RNASE10: variants seen among roughly 807,000 people sequenced by gnomAD.
RNASE10 encodes inactive ribonuclease-like protein 10.
A neutral mutation model predicts 1.1 loss-of-function variants in RNASE10; 2 were observed. The observed-to-expected ratio is 1.82, with a 90% CI of 0.74 to 5.73. The LOEUF (loss-of-function observed/expected upper bound fraction) is 5.73. Among genes scored for constraint, RNASE10 ranks in the 30% most tolerant of loss-of-function variants. The pLI is 0.05. For missense variants in RNASE10, 276 were observed against 263.4 expected (o/e 1.05, Z -0.33); for synonymous variants, 97 against 96.2 (o/e 1.01, Z -0.05).
chr14:20,510,180 T>A (rs974514875), intron 1 of RNASE10, among the ~76,000 whole-genome samples: 5 of 151,570 alleles, frequency 3.3e-5, no homozygotes, highest in Non-Finnish European at 5.9e-5. Flanking sequence ...ATTTCCCATA[T>A]GTAAATTACC....
downstream of RNASE10, among the ~76,000 whole-genome samples, chr14:20,512,169 T>A (rs1882914351): frequency 6.6e-6 from 1 of 152,196 alleles, no homozygotes; most frequent in Non-Finnish European, 1.5e-5. Flanking sequence ...TGGGAGACAG[T>A]CTTTTTCTCA....
At position 20,511,027 on chromosome 14, in the gene RNASE10, G is replaced by A. The variant is rs527723249; in HGVS notation, c.640G>A (p.Val214Ile). The A allele has an allele frequency of 2.9e-4, 463 of 1,570,858 alleles. 9 individuals carry two copies. In the South Asian group the frequency reaches 5.2e-3, roughly 18 times the overall value. ...GTGCGAGCTGTCCCAACCAGACCAG[G>A]TCACTCCTAACTGCAATTACCTAAC... The change falls in exon 2 of 2, where the codon GTC becomes ATC. Residue 214 changes from valine to isoleucine, a missense_variant. Coordinates refer to ENST00000430083, the Ensembl canonical transcript of RNASE10.
In RNASE10 at chr14:20,511,099, C is replaced by T. The variant is rs146168332; in HGVS notation, c.712C>T (p.Arg238Cys). The change falls in exon 2 of 2, where the codon CGC becomes TGC. Residue 238 changes from arginine to cysteine, a missense_variant. Physicochemically the swap from Arg to Cys is radical, Grantham distance 180. Transcript: ENST00000430083. ...TATTATAACCTGTAATGACATGAAG[C>T]GCCAGTTACCAACTGGACAATGAAG... 5.7e-5 allele frequency: 85 copies of T among 1,494,748 alleles called. No individual in the cohort carries two copies. The highest frequency in any genetic ancestry group is 1.8e-4 in the Middle Eastern group (1 of 5,564). The allele number at this position is 1,494,748 out of a possible 1,614,324, so 92.6% of individuals were successfully genotyped here. A position where few individuals can be genotyped will look rare whatever the true frequency, so the allele number is the denominator to read the frequency against.
intron 1 of RNASE10, among the ~76,000 whole-genome samples, chr14:20,507,630 A>G (rs1882784481): frequency 7.1e-6 from 1 of 140,968 alleles, no homozygotes; most frequent in African/African-American, 2.7e-5. Context: ...AAATAAATAA[A>G]TAAATAAAAT....
At chr14:20,511,573 A>G (rs1486834142), downstream of RNASE10, among the ~76,000 whole-genome samples, 2 of 152,188 alleles carry the variant, frequency 1.3e-5, no homozygotes, top group South Asian at 2.1e-4. Flanking sequence ...AAGTGATTCT[A>G]TCTGTAATGG....
intron 1 of RNASE10, among the ~76,000 whole-genome samples, chr14:20,508,180 C>T (rs1235271881): frequency 6.6e-6 from 1 of 152,076 alleles, no homozygotes; most frequent in African/African-American, 2.4e-5. Context: ...CTTAATATTT[C>T]AGTGTGCATC....
upstream of RNASE10, among the ~76,000 whole-genome samples, chr14:20,504,687 C>CAA (rs71112507): frequency 3.7e-3 from 166 of 44,274 alleles, 1 homozygote; most frequent in Middle Eastern, 0.011. Flanking sequence ...GACTCCGTCT[C>CAA]AAAAAAAAAA....
rs147896742 is a variant in RNASE10, at chr14:20,510,616, T to C, written c.229T>C (p.Ser77Pro). ...GCTCAATGAATTTTGGTCCAGTGAC[T>C]CACAGGACAAAGCTGAGGCCACTGA... The change falls in exon 2 of 2, where the codon TCA (serine) becomes CCA (proline). Residue 77 changes from serine (S) to proline (P), a missense_variant. Coordinates refer to ENST00000430083, the Ensembl canonical transcript of RNASE10. 6.8e-6 allele frequency: 11 copies of C among 1,614,024 alleles called. No homozygotes were observed. The African/African-American group carries it at 1.2e-4, about 18-fold the overall frequency.
chr14:20,506,775 C>G (rs1278508728), intron 1 of RNASE10, among the ~76,000 whole-genome samples: 325 of 129,036 alleles, frequency 2.5e-3, no homozygotes, highest in African/African-American at 9.3e-3. Flanking sequence ...GGGGGGTCAG[C>G]CCCCCGCCCG....
chr14:20,505,269 TC>T (rs1300662935), upstream of RNASE10, among the ~76,000 whole-genome samples: 1 of 10,976 alleles, frequency 9.1e-5, no homozygotes, highest in Non-Finnish European at 1.6e-4. Flanking sequence ...TTGCTCCCTC[TC>T]CCTCTCCCTC....
At chr14:20,506,764 G>T (rs112369398) in intron 1 of RNASE10, among the ~76,000 whole-genome samples, 1 of 112,032 alleles carries the variant, frequency 8.9e-6, no homozygotes, top group Admixed American at 8.4e-5. Context: ...GAGGGAGGTG[G>T]GGGGGGTCAG....
upstream of RNASE10, among the ~76,000 whole-genome samples, chr14:20,505,320 C>CGG (rs1238860039): frequency 2.2e-5 from 2 of 92,520 alleles, no homozygotes; most frequent in African/African-American, 4.6e-5. Context: ...CTCCCTCTCC[C>CGG]TCTCCCTCCA....
At chr14:20,505,258 TTTGCTC>T (rs371439891), upstream of RNASE10, among the ~76,000 whole-genome samples, 1,090 of 89,310 alleles carry the variant, frequency 0.012, 74 homozygotes, top group African/African-American at 0.048. Context: ...AAAAAGTGAG[TTTGCTC>T]CCTCTCCCTC....
intron 1 of RNASE10, among the ~76,000 whole-genome samples, chr14:20,509,055 A>G (rs1039914849): frequency 1.8e-4 from 28 of 152,006 alleles, no homozygotes; most frequent in African/African-American, 6.8e-4. Flanking sequence ...ATGCATGCTC[A>G]GCTCTCCTTA....
upstream of RNASE10, among the ~76,000 whole-genome samples, chr14:20,505,131 G>A (rs1882656299): frequency 6.6e-6 from 1 of 151,566 alleles, no homozygotes; most frequent in Non-Finnish European, 1.5e-5. Flanking sequence ...TGTAGGGTAG[G>A]ACAAAGAAAG....
At chr14:20,506,746 CCG>C (rs1882739029) in intron 1 of RNASE10, among the ~76,000 whole-genome samples, 3 of 134,954 alleles carry the variant, frequency 2.2e-5, no homozygotes, top group Non-Finnish European at 3.3e-5. Context: ...GCCAGCCGCC[CCG>C]TCCGGGAGGG....
upstream of RNASE10, among the ~76,000 whole-genome samples, chr14:20,504,463 G>C (rs1043886681): frequency 6.6e-6 from 1 of 151,896 alleles, no homozygotes; most frequent in East Asian, 1.9e-4. Context: ...CGAGGCGGGC[G>C]GGTCACGAGG....
At chr14:20,511,165 C>T (rs1489982875), downstream of RNASE10, 2 of 1,367,116 alleles carry the variant, frequency 1.5e-6, no homozygotes, top group East Asian at 5.0e-5. Context: ...TCCTGTTCCT[C>T]TTCCTTTTTT....
At chr14:20,510,535 G>A in exon 2 of RNASE10, 1 of 1,614,142 alleles carries the variant, frequency 6.2e-7, no homozygotes, top group Middle Eastern at 1.6e-4. Context: ...CCTGGGGATG[G>A]GCCTGGGGTT....
Sources: gnomAD v4.1 joint callset for allele counts (sites outside exome capture counted in the v4.1 genomes callset) on GRCh38, gnomAD v4.1.1 for gene constraint, MANE v1.5 for transcripts, NCBI Gene and HGNC (gene_info 2026-07-23, HGNC 2026-07-21) for gene names.